The following KIAA0825 variants were observed in gnomAD, a reference collection of about 807,000 sequenced individuals.
KIAA0825 encodes the protein uncharacterized protein KIAA0825.
KIAA0825 carries 119 observed loss-of-function variants against 147.6 expected under a neutral mutation model. The ratio of observed to expected loss-of-function variants is 0.81; its 90% confidence interval spans 0.69 to 0.94. The LOEUF (loss-of-function observed/expected upper bound fraction) is 0.94, where lower values mean the gene tolerates loss of function less well. Among genes scored for constraint, KIAA0825 ranks in the 40% least tolerant of loss-of-function variants. The pLI, the probability that KIAA0825 is intolerant of heterozygous loss-of-function variation, is 0.00. For synonymous variants in KIAA0825, 470 were observed against 518.1 expected, an observed-to-expected ratio of 0.91 and a Z score of 1.26; for missense variants, 1,381 against 1,472.7, an observed-to-expected ratio of 0.94 and a Z score of 1.02.
At chr5:94,610,759 A>G (rs1788574282) in intron 1 of KIAA0825, among the ~76,000 whole-genome samples, 1 of 120,388 alleles carries the variant, frequency 8.3e-6, no homozygotes, top group South Asian at 2.8e-4. Context: ...GCGAGACTCT[A>G]TCTGCAAAAA....
At chr5:94,330,615 A>T (rs537382915) in intron 20 of KIAA0825, among the ~76,000 whole-genome samples, 1 of 152,312 alleles carries the variant, frequency 6.6e-6, no homozygotes, top group African/African-American at 2.4e-5. Context: ...AAGAGAAAAG[A>T]TCTCAAACCA....
At chr5:94,163,067 T>C (rs905416723) in intron 20 of KIAA0825, among the ~76,000 whole-genome samples, 1 of 152,186 alleles carries the variant, frequency 6.6e-6, no homozygotes, top group Non-Finnish European at 1.5e-5. Flanking sequence ...AAGTCTAAAA[T>C]TCAGTGACCT....
intron 20 of KIAA0825, among the ~76,000 whole-genome samples, chr5:94,313,001 A>G (rs911199315): frequency 6.6e-6 from 1 of 151,734 alleles, no homozygotes; most frequent in East Asian, 1.9e-4. Context: ...ATAAGTATAC[A>G]TTACATTCTA....
intron 20 of KIAA0825, among the ~76,000 whole-genome samples, chr5:94,224,346 TCGG>T (rs1773971955): frequency 6.6e-6 from 1 of 152,028 alleles, no homozygotes; most frequent in Non-Finnish European, 1.5e-5. Flanking sequence ...TCAGCCCATC[TCGG>T]CCTCCCAAAG....
At chr5:94,344,013 A>G (rs1782717377) in intron 20 of KIAA0825, among the ~76,000 whole-genome samples, 1 of 152,238 alleles carries the variant, frequency 6.6e-6, no homozygotes, top group Admixed American at 6.5e-5. Flanking sequence ...TCTGGCGGAA[A>G]TGTAAACTAG....
intron 2 of KIAA0825, among the ~76,000 whole-genome samples, chr5:94,545,795 G>T (rs1035391939): frequency 2.0e-5 from 3 of 152,182 alleles, no homozygotes; most frequent in African/African-American, 7.2e-5. Flanking sequence ...CAGCTGTGAT[G>T]ACTATGGTGA....
At chr5:94,287,138 T>C (rs146634983) in intron 20 of KIAA0825, among the ~76,000 whole-genome samples, 2 of 152,310 alleles carry the variant, frequency 1.3e-5, no homozygotes, top group African/African-American at 2.4e-5. Context: ...AGTTAATGTA[T>C]ATAAAGTCAC....
intron 14 of KIAA0825, among the ~76,000 whole-genome samples, chr5:94,426,666 T>G (rs1405154791): frequency 3.3e-5 from 5 of 152,140 alleles, no homozygotes; most frequent in Non-Finnish European, 5.9e-5. Context: ...TAGTTAGCAA[T>G]AATATTGTAT....
intron 20 of KIAA0825, among the ~76,000 whole-genome samples, chr5:94,318,921 C>T (rs541430772): frequency 1.2e-3 from 179 of 151,878 alleles, no homozygotes; most frequent in African/African-American, 4.1e-3. Context: ...CCCTCCTTGT[C>T]CCCACAAAGC....
chr5:94,260,059 T>C (rs1776421805), intron 20 of KIAA0825, among the ~76,000 whole-genome samples: 1 of 152,122 alleles, frequency 6.6e-6, no homozygotes, highest in Admixed American at 6.6e-5. Context: ...TTTCATAATA[T>C]ACTATAATAT....
chr5:94,271,466 G>T (rs929691242), intron 20 of KIAA0825, among the ~76,000 whole-genome samples: 4 of 152,254 alleles, frequency 2.6e-5, no homozygotes, highest in South Asian at 2.1e-4. Context: ...TCTGAATAGA[G>T]GCCGGGCATT....
intron 20 of KIAA0825, among the ~76,000 whole-genome samples, chr5:94,383,008 T>C (rs1748619303): frequency 6.6e-6 from 1 of 152,222 alleles, no homozygotes. Context: ...GACAGACATT[T>C]AATATTGTAT....
chr5:94,271,178 A>G (rs963541739), intron 20 of KIAA0825, among the ~76,000 whole-genome samples: 1 of 152,178 alleles, frequency 6.6e-6, no homozygotes, highest in Admixed American at 6.5e-5. Flanking sequence ...AGAAAACATT[A>G]TAAGAACTCT....
chr5:94,588,480 A>G (rs1783739698), intron 1 of KIAA0825, among the ~76,000 whole-genome samples: 1 of 152,238 alleles, frequency 6.6e-6, no homozygotes, highest in South Asian at 2.1e-4. Flanking sequence ...AATCAAAACC[A>G]CAATGAGATA....
chr5:94,224,994 G>C (rs758440328), intron 20 of KIAA0825, among the ~76,000 whole-genome samples: 3 of 152,108 alleles, frequency 2.0e-5, no homozygotes, highest in Admixed American at 2.0e-4. Flanking sequence ...TATTCTGATT[G>C]TCATAAGAGA....
intron 20 of KIAA0825, among the ~76,000 whole-genome samples, chr5:94,375,785 T>C (rs1043108827): frequency 2.0e-5 from 3 of 152,036 alleles, no homozygotes; most frequent in Admixed American, 6.5e-5. Context: ...AAAGCGAAAA[T>C]TCAAAATGGA....
rs775734324 is a variant in KIAA0825, at chr5:94,396,172, CT to C, written c.3224del (p.Gln1075ArgfsTer16). 1.3e-6 allele frequency: 2 copies of C among 1,548,960 alleles called. No individual in the cohort carries two copies. Among genetic ancestry groups the C allele is most frequent in the African/African-American group, 2.7e-5 (2 of 72,898 alleles). On this transcript the variant is annotated frameshift_variant, in exon 17 of 21. Coordinates refer to ENST00000682413, the MANE Select transcript of KIAA0825 (RefSeq NM_001145678.3). LOFTEE classifies it high-confidence loss of function. ...IHNQMIQKVI[Q>X]SIEQQKPNWI... ...AGTTGGGCTTCTGCTGCTCAATGCT[CT>C]GTATGACCTTTTGGATCATTTGATT... is the stretch of plus-strand genomic sequence containing the variant.
intron 20 of KIAA0825, among the ~76,000 whole-genome samples, chr5:94,363,354 TTC>T (rs1401840176): frequency 3.3e-5 from 5 of 152,176 alleles, no homozygotes; most frequent in Admixed American, 3.3e-4. Flanking sequence ...TATTCTATTT[TTC>T]TCTGTTATGT....
chr5:94,281,198 A>AACACACACACAC (rs34358354), intron 20 of KIAA0825, among the ~76,000 whole-genome samples: 17 of 145,024 alleles, frequency 1.2e-4, no homozygotes, highest in African/African-American at 3.1e-4. Context: ...TAAGTGATTT[A>AACACACACACAC]ACACACACAC....
Sources: allele counts gnomAD v4.1 joint callset (sites outside exome capture counted in the v4.1 genomes callset), GRCh38; gene constraint gnomAD v4.1.1; transcripts MANE v1.5; gene names NCBI Gene and HGNC (gene_info 2026-07-23, HGNC 2026-07-21).